The following AP5Z1 variants were observed in gnomAD, a reference collection of about 807,000 sequenced individuals.
The protein encoded by AP5Z1 is adaptor related protein complex 5 subunit zeta 1, also known as AP-5 complex subunit zeta-1.
A neutral mutation model predicts 83.0 loss-of-function variants in AP5Z1; 106 were observed. The ratio of observed to expected loss-of-function variants is 1.28; its 90% CI spans 1.09 to 1.50. The LOEUF (loss-of-function observed/expected upper bound fraction) is 1.50. Ranked by LOEUF, AP5Z1 falls within the 40% of genes most tolerant of loss-of-function variation. The probability of loss-of-function intolerance (pLI) is 0.00; values close to 1 mark genes in which losing one functional copy is unlikely to be tolerated. For missense variants in AP5Z1, 1,565 were observed against 1,094.2 expected, an observed-to-expected ratio of 1.43 and a Z score of -6.07; for synonymous variants, 751 against 514.1, an observed-to-expected ratio of 1.46 and a Z score of -6.23.
At chr7:4,787,596 C>T (rs1377494856) in intron 10 of AP5Z1, 38 bp from the exon 11 acceptor site, 2 of 1,537,206 alleles carry the variant, frequency 1.3e-6, no homozygotes, top group South Asian at 1.2e-5. Flanking sequence ...TGCTCCACAG[C>T]TCCGAGCCGT....
At chr7:4,789,134 CCCAT>C in intron 13 of AP5Z1, 183 bp downstream of exon 13, 1 of 571,298 alleles carries the variant, frequency 1.8e-6, no homozygotes. Context: ...CGTCCCTTGT[CCCAT>C]CCCCTTTATT....
chr7:4,776,096 C>T (rs1781218177), intron 1 of AP5Z1, among the ~76,000 whole-genome samples: 1 of 151,954 alleles, frequency 6.6e-6, no homozygotes, highest in South Asian at 2.1e-4. Flanking sequence ...TTCAGTGCCT[C>T]ACAGTCAAGA....
At position 4,784,232 on chromosome 7, in the gene AP5Z1, G is replaced by A. The variant is rs751362842; in HGVS notation, c.651G>A (p.Ala217=). The A allele has an allele frequency of 1.4e-5, 22 of 1,590,376 alleles. No individual in the cohort carries two copies. Among genetic ancestry groups the A allele is most frequent in the South Asian group, 3.4e-5 (3 of 87,218 alleles). ...QPGPVTEVDG[A]VATDFFTVLS... is the part of the protein sequence containing the mutation. ...GCCCCGTCACCGAGGTGGACGGGGC[G>A]GTAGCCACAGACTTCTTCACGGTGC... The change falls in exon 6 of 17, where the codon GCG becomes GCA. Residue 217 remains alanine (A), a synonymous_variant. Coordinates refer to ENST00000649063, the MANE Select transcript of AP5Z1 (RefSeq NM_014855.3).
intron 9 of AP5Z1, 55 bp downstream of exon 9, chr7:4,785,739 TAGGA>T: frequency 1.4e-6 from 2 of 1,401,782 alleles, no homozygotes. Flanking sequence ...CCTTTAGTTT[TAGGA>T]TGGAATTTCT....
Position 4,786,880 on chromosome 7 carries a change from C to T in AP5Z1, c.1311+452C>T, listed in dbSNP as rs1470042095. ...CCGCCTCCTGGGTTCAAGCGATTCT[C>T]CTGCGTCAGCCACCTGAGTAGTTGA... On this transcript the variant is annotated intron_variant, in intron 10 of 16. Transcript: ENST00000649063. Among the ~76,000 whole-genome samples, 6 of 152,262 alleles carry T rather than the reference C, an allele frequency of 3.9e-5. 1 individual carries two copies. In the South Asian group the frequency reaches 8.3e-4, roughly 21 times the overall value.
At chr7:4,784,567 G>A (rs1033576598) in intron 6 of AP5Z1, among the ~76,000 whole-genome samples, 196 bp downstream of exon 6, 4 of 152,118 alleles carry the variant, frequency 2.6e-5, no homozygotes, top group Non-Finnish European at 5.9e-5. Flanking sequence ...TGGGGTCCAG[G>A]GTCAGCACCG....
intron 1 of AP5Z1, among the ~76,000 whole-genome samples, chr7:4,776,087 T>G (rs1387113994): frequency 3.3e-5 from 5 of 152,018 alleles, no homozygotes; most frequent in African/African-American, 1.2e-4. Context: ...CCGGGAGATT[T>G]CAGTGCCTCA....
intron 5 of AP5Z1, among the ~76,000 whole-genome samples, chr7:4,783,999 C>A (rs530072291): frequency 6.6e-6 from 1 of 152,270 alleles, no homozygotes; most frequent in East Asian, 1.9e-4. Flanking sequence ...CGGGTTCAGT[C>A]CCAGGGCCTG....
At position 4,788,199 on chromosome 7, in the gene AP5Z1, C is replaced by A; in HGVS notation, c.1500C>A (p.Leu500=). The part of the protein sequence containing the change: ...ASERPLWDTS[L]RAPSCLEAFR... The stretch of plus-strand genomic sequence containing the variant: ...AGAGGCCACTCTGGGACACCTCTCT[C>A]AGGGCCCCCAGCTGCCTGGAGGCCT... Residue 500 remains leucine (L), a synonymous_variant, in exon 12 of 17, where the codon CTC becomes CTA. Transcript: ENST00000649063. 6.4e-7 allele frequency: 1 copy of A among 1,562,006 alleles called. No homozygotes were observed. The highest frequency in any genetic ancestry group is 2.4e-5 in the East Asian group (1 of 41,916).
chr7:4,790,795 T>C lies in AP5Z1; in HGVS notation c.2061T>C (p.Ser687=), dbSNP rs201077588. 63 of 1,609,312 alleles carry C rather than the reference T, an allele frequency of 3.9e-5. No homozygotes were observed. In the East Asian group the frequency reaches 8.7e-4, roughly 22 times the overall value. ...LLFEVTQCRP[S]AALPRCPPQV... ...TCGAGGTCACCCAGTGCCGCCCCTC[T>C]GCTGCCCTGCCCAGGTGTCCCCCCC... The change falls in exon 16 of 17, where the codon TCT becomes TCC. Residue 687 remains serine, a synonymous_variant. Coordinates refer to ENST00000649063, the MANE Select transcript of AP5Z1 (RefSeq NM_014855.3).
intron 1 of AP5Z1, among the ~76,000 whole-genome samples, chr7:4,777,145 C>A (rs1781250272): frequency 1.3e-5 from 2 of 152,084 alleles, no homozygotes; most frequent in East Asian, 1.9e-4. Flanking sequence ...ACATAGGCAA[C>A]CTTCCCTTCA....
At chr7:4,787,002 C>A (rs530155485) in intron 10 of AP5Z1, among the ~76,000 whole-genome samples, 1 of 151,962 alleles carries the variant, frequency 6.6e-6, no homozygotes, top group Admixed American at 6.5e-5. Context: ...GAACTCCTGA[C>A]CTCAGATGAT....
At chr7:4,785,857 T>A (rs1246697461) in intron 9 of AP5Z1, among the ~76,000 whole-genome samples, 173 bp downstream of exon 9, 1 of 151,628 alleles carries the variant, frequency 6.6e-6, no homozygotes, top group African/African-American at 2.4e-5. Context: ...TCCTCCTGCC[T>A]TGGCCTCCCA....
rs1781697795 is a variant in AP5Z1 at position 4,789,935 on chromosome 7, TCCCTCCTG to T, written c.1805+8_1805+15del. 6.5e-7 allele frequency: 1 copy of T among 1,531,508 alleles called. No homozygotes were observed. The allele number at this position is 1,531,508 out of a possible 1,614,324, so 94.9% of individuals were successfully genotyped here. On this transcript the variant is annotated splice_region_variant and intron_variant, in intron 14 of 16. Transcript: ENST00000649063. ...TACGCTGCCGGTGTGCACAGGTAGG[TCCCTCCTG>T]CGCTCCTGCCACAGCCCTGGGCGGG...
At position 4,784,190 on chromosome 7, in the gene AP5Z1, G is replaced by A. The variant is rs564871742; in HGVS notation, c.622-13G>A. On this transcript the variant is annotated splice_polypyrimidine_tract_variant and intron_variant, in intron 5 of 16. Transcript: ENST00000649063. ...CGGCCCCCTCCGCCCACTCCTGCCT[G>A]TCCTTCCCACAGCCGGGCCCCGTCA... The A allele has an allele frequency of 3.0e-5, 47 of 1,581,760 alleles. No individual in the cohort carries two copies. In the South Asian group the frequency reaches 4.3e-4, roughly 14 times the overall value.
chr7:4,782,467 G>C (rs942788250), intron 3 of AP5Z1, among the ~76,000 whole-genome samples: 1 of 152,190 alleles, frequency 6.6e-6, no homozygotes, highest in Admixed American at 6.5e-5. Flanking sequence ...TCTGCAGGAA[G>C]GTTGCGATGG....
In AP5Z1 at chr7:4,785,778, T is replaced by TTTGA. The variant is rs1411338127; in HGVS notation, c.1132+99_1132+102dup. On this transcript the variant is annotated intron_variant, in intron 9 of 16. Transcript: ENST00000649063. ...TTCTTCCCTTTTTTTTTTTTTTTTT[T>TTTGA]TTGATTGAATAGAGACAGGGGTCTT... The TTTGA allele has an allele frequency of 4.1e-5, 55 of 1,353,964 alleles. No homozygotes were observed. In the South Asian group the frequency reaches 7.0e-4, roughly 17 times the overall value. The allele number at this position is 1,353,964 out of a possible 1,614,324, so 83.9% of individuals were successfully genotyped here. A position where few individuals can be genotyped will look rare whatever the true frequency, so the allele number is the denominator to read the frequency against.
Position 4,775,644 on chromosome 7 carries a change from C to G in AP5Z1, c.-72C>G, listed in dbSNP as rs528121408. On this transcript the variant is annotated 5_prime_UTR_variant, in exon 1 of 17. Coordinates refer to ENST00000649063, the MANE Select transcript of AP5Z1 (RefSeq NM_014855.3). ...ACGTGACGCGGTCCCGGAAGTTGAC[C>G]GGGGTGCGGAGCTCCTGGGCTGCAG... The G allele has an allele frequency of 1.2e-5, 19 of 1,591,124 alleles. No homozygotes were observed. Among genetic ancestry groups the G allele is most frequent in the African/African-American group, 2.7e-5 (2 of 74,630 alleles).
intron 16 of AP5Z1, 81 bp from the exon 17 acceptor site, chr7:4,791,034 C>T (rs1027139050): frequency 6.8e-7 from 1 of 1,479,492 alleles, no homozygotes; most frequent in Non-Finnish European, 9.0e-7. Flanking sequence ...CTGCTGGGCG[C>T]TTCAGGCCTG....
Sources: allele counts gnomAD v4.1 joint callset (sites outside exome capture counted in the v4.1 genomes callset), GRCh38; gene constraint gnomAD v4.1.1; transcripts MANE v1.5; gene names NCBI Gene and HGNC (gene_info 2026-07-23, HGNC 2026-07-21).